SLC9A9: variants seen among roughly 807,000 people sequenced by gnomAD.
SLC9A9 encodes solute carrier family 9 member A9.
SLC9A9 carries 62 observed loss-of-function variants against 77.8 expected under a neutral mutation model. The ratio of observed to expected loss-of-function variants is 0.80; its 90% confidence interval spans 0.65 to 0.98. The LOEUF is 0.98. Among genes scored for constraint, SLC9A9 ranks in the 50% least tolerant of loss-of-function variants. The pLI is 0.00. For synonymous variants in SLC9A9, 320 were observed against 283.5 expected, an observed-to-expected ratio of 1.13 and a Z score of -1.29; for missense variants, 775 against 774.9, an observed-to-expected ratio of 1.00 and a Z score of 0.00.
intron 8 of SLC9A9, among the ~76,000 whole-genome samples, chr3:143,559,310 C>G (rs2037041999): frequency 6.6e-6 from 1 of 152,188 alleles, no homozygotes. Context: ...ATAGCCCAGA[C>G]TTGGATTTAT....
At chr3:143,456,119 G>A (rs1302860416) in intron 12 of SLC9A9, among the ~76,000 whole-genome samples, 2 of 151,864 alleles carry the variant, frequency 1.3e-5, no homozygotes, top group African/African-American at 2.4e-5. Context: ...TTTTAATCAT[G>A]AATAAAAATT....
intron 5 of SLC9A9, among the ~76,000 whole-genome samples, chr3:143,680,621 A>G (rs1190555148): frequency 2.6e-5 from 4 of 152,058 alleles, no homozygotes; most frequent in Non-Finnish European, 5.9e-5. Context: ...TTTAAATGCT[A>G]TTGGATTTTG....
At chr3:143,549,591 T>G (rs1405697587) in intron 9 of SLC9A9, among the ~76,000 whole-genome samples, 1 of 152,200 alleles carries the variant, frequency 6.6e-6, no homozygotes, top group Non-Finnish European at 1.5e-5. Flanking sequence ...AACATTCTCC[T>G]TCCTTAAAAG....
chr3:143,326,437 C>T (rs1409964948), intron 14 of SLC9A9, among the ~76,000 whole-genome samples: 8 of 152,086 alleles, frequency 5.3e-5, no homozygotes. Flanking sequence ...TTTCTTCAGC[C>T]TTCCTTCCTC....
At chr3:143,378,235 T>G (rs1389310160) in intron 13 of SLC9A9, among the ~76,000 whole-genome samples, 1 of 152,180 alleles carries the variant, frequency 6.6e-6, no homozygotes, top group Admixed American at 6.5e-5. Flanking sequence ...TCTACGTTAG[T>G]GCCGTAGGAG....
In SLC9A9 at chr3:143,519,432, C is replaced by G. The variant is rs62269770; in HGVS notation, c.1090-23984G>C. Among the ~76,000 whole-genome samples, 7 of 151,822 alleles carry G rather than the reference C, an allele frequency of 4.6e-5. No homozygotes were observed. The East Asian group carries it at 9.7e-4, about 21-fold the overall frequency. Reference sequence around the variant, plus strand: ...ATCAAGGAACCTAGAAAGGTTGGAGCAAGAAGTAGAATGGAAGAAGAGGAG... The same window carrying G: ...ATCAAGGAACCTAGAAAGGTTGGAGGAAGAAGTAGAATGGAAGAAGAGGAG... On this transcript the variant is annotated intron_variant, in intron 9 of 15. Coordinates refer to ENST00000316549, the MANE Select transcript of SLC9A9 (RefSeq NM_173653.4).
At chr3:143,334,191 C>T (rs1194206752) in intron 14 of SLC9A9, among the ~76,000 whole-genome samples, 3 of 152,114 alleles carry the variant, frequency 2.0e-5, no homozygotes, top group African/African-American at 4.8e-5. Context: ...CTGGCATGAA[C>T]ATAGCTGAAA....
At chr3:143,480,558 GCTGGTTAACC>G (rs2035556159) in intron 11 of SLC9A9, among the ~76,000 whole-genome samples, 1 of 152,124 alleles carries the variant, frequency 6.6e-6, no homozygotes, top group South Asian at 2.1e-4. Context: ...TCCTGCATAA[GCTGGTTAACC>G]CTATCCCATC....
At position 143,578,702 on chromosome 3, in the gene SLC9A9, G is replaced by T. The variant is rs963308203; in HGVS notation, c.777C>A (p.Pro259=). The T allele has an allele frequency of 6.2e-7, 1 of 1,614,060 alleles. No homozygotes were observed. The highest frequency in any genetic ancestry group is 8.5e-7 in the Non-Finnish European group (1 of 1,179,930). ...CATCAAATGCATTTGGATTCTCCTT[G>T]GGACTGTAAATGGATATAGAACTGA... is the stretch of plus-strand genomic sequence containing the variant. The part of the protein sequence containing the change: ...VLTYSISIYS[P]KENPNAFDAA... Residue 259 remains proline (P), a synonymous_variant, in exon 7 of 16, where the codon CCC becomes CCA. Coordinates refer to ENST00000316549, the MANE Select transcript of SLC9A9 (RefSeq NM_173653.4).
chr3:143,508,921 A>G (rs899011831), intron 9 of SLC9A9, among the ~76,000 whole-genome samples: 1 of 152,216 alleles, frequency 6.6e-6, no homozygotes, highest in Non-Finnish European at 1.5e-5. Flanking sequence ...ACTTTATACT[A>G]TATGTAAACA....
intron 1 of SLC9A9, among the ~76,000 whole-genome samples, chr3:143,841,223 AACAC>A (rs953813549): frequency 5.3e-5 from 8 of 151,950 alleles, no homozygotes; most frequent in African/African-American, 1.4e-4. Flanking sequence ...CACACACACA[AACAC>A]ACCTACGTTT....
rs192982864 is a variant in SLC9A9 at position 143,762,228 on chromosome 3, T to A, written c.533+32773A>T. Among the ~76,000 whole-genome samples, 608 of 152,224 alleles carry A rather than the reference T, an allele frequency of 4.0e-3. 7 individuals are homozygous for A. Among genetic ancestry groups the A allele is most frequent in the African/African-American group, 0.014 (575 of 41,522 alleles). ...AGGGGGAAGGGATAGCATTAGGAGATATACCTAATGTAAATGACGAGTTAA... is the reference window on the plus strand; with the variant it reads ...AGGGGGAAGGGATAGCATTAGGAGAAATACCTAATGTAAATGACGAGTTAA... On this transcript the variant is annotated intron_variant, in intron 4 of 15. Coordinates refer to ENST00000316549, the MANE Select transcript of SLC9A9 (RefSeq NM_173653.4).
At chr3:143,828,385 TG>T (rs911880506) in intron 2 of SLC9A9, among the ~76,000 whole-genome samples, 145 of 152,314 alleles carry the variant, frequency 9.5e-4, no homozygotes, top group African/African-American at 3.4e-3. Flanking sequence ...GGATAGGCTT[TG>T]GGGATACATT....
At chr3:143,847,800 G>T (rs547348912) in intron 1 of SLC9A9, 10 of 313,424 alleles carry the variant, frequency 3.2e-5, no homozygotes, top group Non-Finnish European at 5.5e-5. Context: ...CAGCCAGTGA[G>T]AGAAGGCTGC....
intron 9 of SLC9A9, among the ~76,000 whole-genome samples, chr3:143,530,337 A>G (rs1421069849): frequency 6.6e-6 from 1 of 152,104 alleles, no homozygotes; most frequent in Non-Finnish European, 1.5e-5. Context: ...TTCTCCTGGT[A>G]GTGAATAAGT....
At chr3:143,782,237 T>C (rs1442766477) in intron 4 of SLC9A9, among the ~76,000 whole-genome samples, 1 of 152,232 alleles carries the variant, frequency 6.6e-6, no homozygotes, top group Non-Finnish European at 1.5e-5. Context: ...TTGATTCCTA[T>C]AGTCTGTCTG....
At chr3:143,532,618 A>T (rs1033619017) in intron 9 of SLC9A9, among the ~76,000 whole-genome samples, 5 of 152,160 alleles carry the variant, frequency 3.3e-5, no homozygotes, top group African/African-American at 1.2e-4. Context: ...AAGGAAAAAA[A>T]CCCTCATTTT....
intron 8 of SLC9A9, among the ~76,000 whole-genome samples, chr3:143,572,989 C>T (rs2037290813): frequency 1.3e-5 from 2 of 152,076 alleles, no homozygotes; most frequent in African/African-American, 4.8e-5. Flanking sequence ...AATGCGTGGT[C>T]CCCCAGAACC....
chr3:143,785,431 G>C (rs1356490288), intron 4 of SLC9A9, among the ~76,000 whole-genome samples: 1 of 152,178 alleles, frequency 6.6e-6, no homozygotes, highest in Non-Finnish European at 1.5e-5. Context: ...CCAATCACCA[G>C]ACAGGTGAGT....
Sources: allele counts gnomAD v4.1 joint callset (sites outside exome capture counted in the v4.1 genomes callset), GRCh38; gene constraint gnomAD v4.1.1; transcripts MANE v1.5; gene names NCBI Gene and HGNC (gene_info 2026-07-23, HGNC 2026-07-21).